PSD3: variants seen among roughly 807,000 people sequenced by gnomAD.
PSD3 encodes pleckstrin and Sec7 domain containing 3, also known as PH and SEC7 domain-containing protein 3.
PSD3 carries 49 observed loss-of-function variants against 105.5 expected under a neutral mutation model. The ratio of observed to expected loss-of-function variants is 0.46; its 90% CI spans 0.37 to 0.59. The LOEUF is 0.59. PSD3 is among the 20% of genes least tolerant of loss of function. The probability of loss-of-function intolerance (pLI) is 0.00; values close to 1 mark genes in which losing one functional copy is unlikely to be tolerated. For synonymous variants in PSD3, 557 were observed against 457.8 expected (o/e 1.22, Z -2.77); for missense variants, 1,561 against 1,263.8 (o/e 1.24, Z -3.57).
At chr8:18,980,170 G>A (rs1425959532) in intron 1 of PSD3, among the ~76,000 whole-genome samples, 1 of 152,194 alleles carries the variant, frequency 6.6e-6, no homozygotes, top group African/African-American at 2.4e-5. Context: ...AAGGCACGAG[G>A]TATGTGAGTG....
At chr8:18,755,129 T>A (rs1373611878) in intron 9 of PSD3, among the ~76,000 whole-genome samples, 1 of 152,090 alleles carries the variant, frequency 6.6e-6, no homozygotes, top group African/African-American at 2.4e-5. Flanking sequence ...TATGACACTT[T>A]AAACATGCTC....
intron 1 of PSD3, among the ~76,000 whole-genome samples, chr8:19,080,955 G>A (rs753697612): frequency 6.6e-5 from 10 of 152,096 alleles, no homozygotes; most frequent in Non-Finnish European, 1.0e-4. Context: ...GTCCCGAAAC[G>A]ATGATAGAGA....
chr8:18,971,936 C>T (rs1183492776), intron 1 of PSD3, among the ~76,000 whole-genome samples: 2 of 151,938 alleles, frequency 1.3e-5, no homozygotes, highest in African/African-American at 4.8e-5. Flanking sequence ...GCCTGGGAGG[C>T]AGAGGTTGCA....
intron 2 of PSD3, among the ~76,000 whole-genome samples, chr8:18,887,659 C>G (rs1412819746): frequency 6.6e-6 from 1 of 151,996 alleles, no homozygotes; most frequent in Non-Finnish European, 1.5e-5. Context: ...CATGAAGATT[C>G]CAATCTTCTG....
intron 1 of PSD3, among the ~76,000 whole-genome samples, chr8:19,058,818 G>A (rs991588578): frequency 1.3e-5 from 2 of 152,186 alleles, no homozygotes; most frequent in African/African-American, 4.8e-5. Flanking sequence ...ATCACGTGGA[G>A]CACCTTGGAA....
chr8:18,997,615 T>C (rs1303920109), intron 1 of PSD3, among the ~76,000 whole-genome samples: 1 of 152,014 alleles, frequency 6.6e-6, no homozygotes, highest in East Asian at 1.9e-4. Flanking sequence ...ACCGAAGCCC[T>C]TGCAATAGCA....
Position 18,595,754 on chromosome 8 carries a change from G to A in PSD3, c.2481+4610C>T, listed in dbSNP as rs546452865. Among the ~76,000 whole-genome samples, 9 of 152,106 alleles carry A rather than the reference G, an allele frequency of 5.9e-5. No individual in the cohort carries two copies. The East Asian group carries it at 9.6e-4, about 16-fold the overall frequency. ...ACATATGCATCTATCATCAAGGCAC[G>A]TAAATATATAGAGTAAACATTGACA... On this transcript the variant is annotated intron_variant, in intron 12 of 15. Transcript: ENST00000327040.
At position 18,986,056 on chromosome 8, in the gene PSD3, C is replaced by T. The variant is rs541367917; in HGVS notation, c.21+27507G>A. Among the ~76,000 whole-genome samples, 106 of 152,210 alleles carry T rather than the reference C, an allele frequency of 7.0e-4. 1 individual carries two copies. The highest frequency in any genetic ancestry group is 1.8e-3 in the Admixed American group (28 of 15,296). The stretch of plus-strand genomic sequence containing the variant: ...AGCACAGCAGTAGAACCTTAAAATA[C>T]ACATTGGATAATGATGTAACAAAAC... On this transcript the variant is annotated intron_variant, in intron 1 of 15. Coordinates refer to ENST00000327040, the MANE Select transcript of PSD3 (RefSeq NM_015310.4).
At chr8:18,693,820 C>T (rs1013964901) in intron 9 of PSD3, among the ~76,000 whole-genome samples, 1 of 152,210 alleles carries the variant, frequency 6.6e-6, no homozygotes, top group Non-Finnish European at 1.5e-5. Flanking sequence ...GATGACCTTT[C>T]AATAGATTCC....
chr8:18,877,539 CT>C (rs61667418), intron 2 of PSD3, among the ~76,000 whole-genome samples: 49,902 of 137,944 alleles, frequency 0.36, 8,906 homozygotes, highest in African/African-American at 0.56. Context: ...AGATGCCTAT[CT>C]TTTTTTTTTT....
At chr8:18,780,683 A>G (rs1224351655) in intron 8 of PSD3, among the ~76,000 whole-genome samples, 1 of 152,038 alleles carries the variant, frequency 6.6e-6, no homozygotes, top group Non-Finnish European at 1.5e-5. Flanking sequence ...CCTCCTGAGT[A>G]GCTGGGACTA....
At chr8:18,547,044 A>G (rs925008513) in intron 15 of PSD3, among the ~76,000 whole-genome samples, 2 of 152,122 alleles carry the variant, frequency 1.3e-5, no homozygotes, top group Non-Finnish European at 2.9e-5. Context: ...AGGAGCTTGC[A>G]TTAATTCAGC....
chr8:18,836,882 G>A (rs368525233), intron 4 of PSD3, among the ~76,000 whole-genome samples: 1 of 149,150 alleles, frequency 6.7e-6, no homozygotes, highest in African/African-American at 2.5e-5. Context: ...TTGGTTTAAT[G>A]CGATGTGGAA....
intron 11 of PSD3, among the ~76,000 whole-genome samples, chr8:18,618,823 G>C (rs1024883823): frequency 6.6e-6 from 1 of 152,026 alleles, no homozygotes; most frequent in Non-Finnish European, 1.5e-5. Flanking sequence ...TGGGTCTAGG[G>C]GCGTATGCTA....
intron 1 of PSD3, among the ~76,000 whole-genome samples, chr8:18,943,476 G>A (rs749339547): frequency 6.6e-6 from 1 of 152,038 alleles, no homozygotes; most frequent in Non-Finnish European, 1.5e-5. Context: ...ATGATCTAGT[G>A]ATAACTGACA....
At chr8:19,025,545 C>T (rs1223132565) in intron 1 of PSD3, among the ~76,000 whole-genome samples, 1 of 152,154 alleles carries the variant, frequency 6.6e-6, no homozygotes, top group African/African-American at 2.4e-5. Context: ...GTGTCAAGAG[C>T]CTGGGCACTG....
At chr8:18,738,873 A>G (rs1439185170) in intron 9 of PSD3, among the ~76,000 whole-genome samples, 1 of 144,330 alleles carries the variant, frequency 6.9e-6, no homozygotes. Flanking sequence ...CTTCACCTCA[A>G]AGAATATTCT....
chr8:19,077,510 GACA>G (rs2080733523), intron 1 of PSD3, among the ~76,000 whole-genome samples: 2 of 152,124 alleles, frequency 1.3e-5, no homozygotes, highest in African/African-American at 2.4e-5. Context: ...GCCATTATCT[GACA>G]ACGTCAACTC....
intron 9 of PSD3, among the ~76,000 whole-genome samples, chr8:18,657,435 G>C (rs990153055): frequency 2.0e-5 from 3 of 152,152 alleles, no homozygotes; most frequent in African/African-American, 7.2e-5. Flanking sequence ...AAATATTACA[G>C]TAGCTAATAA....
Sources: gnomAD v4.1 joint callset for allele counts (sites outside exome capture counted in the v4.1 genomes callset) on GRCh38, gnomAD v4.1.1 for gene constraint, MANE v1.5 for transcripts, NCBI Gene and HGNC (gene_info 2026-07-23, HGNC 2026-07-21) for gene names.